The following GALC variants were observed in gnomAD, a reference collection of about 807,000 sequenced individuals.
GALC encodes the protein galactosylceramidase.
In GALC, 77 loss-of-function variants were observed where a neutral mutation model predicts 91.8. That is an observed-to-expected ratio of 0.84 (90% CI 0.70 to 1.01). GALC has a LOEUF of 1.01. Among genes scored for constraint, GALC ranks in the 50% least tolerant of loss-of-function variants. The probability of loss-of-function intolerance (pLI) is 0.00; values close to 1 mark genes in which losing one functional copy is unlikely to be tolerated. For synonymous variants in GALC, 357 were observed against 306.7 expected (o/e 1.16, Z -1.71); for missense variants, 882 against 855.9 (o/e 1.03, Z -0.38).
chr14:87,934,502 AG>A lies in GALC; in HGVS notation c.*229del. 1.4e-6 allele frequency: 2 copies of A among 1,409,802 alleles called. No individual in the cohort carries two copies. The highest frequency in any genetic ancestry group is 2.7e-4 in the Middle Eastern group (1 of 3,758). 87.3% of individuals were successfully genotyped at this position (1,409,802 alleles called of 1,614,324 possible). A position where few individuals can be genotyped will look rare whatever the true frequency, so the allele number is the denominator to read the frequency against. On this transcript the variant is annotated 3_prime_UTR_variant, in exon 17 of 17. Coordinates refer to ENST00000261304, the MANE Select transcript of GALC (RefSeq NM_000153.4). ...ATGGCCAATGCACAGTTTGAATGTT[AG>A]GGAACACACCAGGTAATGTTAAAGA...
chr14:87,988,741 C>T (rs1459102262), intron 1 of GALC, among the ~76,000 whole-genome samples: 1 of 152,170 alleles, frequency 6.6e-6, no homozygotes, highest in Non-Finnish European at 1.5e-5. Context: ...TTCTCTTCTT[C>T]TGGCATGAGG....
At position 87,992,269 on chromosome 14, in the gene GALC, T is replaced by G. The variant is rs760657734; in HGVS notation, c.195+701A>C. On this transcript the variant is annotated intron_variant, in intron 1 of 16. Coordinates refer to ENST00000261304, the MANE Select transcript of GALC (RefSeq NM_000153.4). ...AGAAACATTAGCCCTAGATGTAATT[T>G]CGGATACAAAACCAAAAAACAAAAA... is the stretch of plus-strand genomic sequence containing the variant. 5 of 1,534,592 alleles carry G rather than the reference T, an allele frequency of 3.3e-6. No homozygotes were observed. The South Asian group carries it at 5.9e-5, about 18-fold the overall frequency.
At chr14:87,965,474 T>G (rs573120240) in intron 9 of GALC, 31 bp downstream of exon 9, 1 of 1,611,178 alleles carries the variant, frequency 6.2e-7, no homozygotes, top group African/African-American at 1.3e-5. Flanking sequence ...AGAGAAGAAT[T>G]TAGGGAGTGA....
At chr14:87,938,621 G>A (rs1418473471) in intron 16 of GALC, among the ~76,000 whole-genome samples, 1 of 151,826 alleles carries the variant, frequency 6.6e-6, no homozygotes, top group Non-Finnish European at 1.5e-5. Context: ...ATTATATTCA[G>A]TACTTCCCCT....
At chr14:87,979,038 T>G (rs948727636) in intron 6 of GALC, among the ~76,000 whole-genome samples, 13 of 152,152 alleles carry the variant, frequency 8.5e-5, no homozygotes, top group African/African-American at 2.7e-4. Flanking sequence ...GCATTTCTTT[T>G]TTTTTCTTTT....
intron 6 of GALC, among the ~76,000 whole-genome samples, chr14:87,979,348 C>T (rs1293457967): frequency 1.3e-5 from 2 of 151,958 alleles, no homozygotes; most frequent in Admixed American, 6.6e-5. Context: ...TTTCAACAAA[C>T]GGAACACAGA....
chr14:87,978,991 G>C (rs1886628488), intron 6 of GALC, among the ~76,000 whole-genome samples: 1 of 151,946 alleles, frequency 6.6e-6, no homozygotes, highest in African/African-American at 2.4e-5. Context: ...TCCAATCTGA[G>C]CACCTACATT....
At chr14:87,940,331 G>T (rs955475220) in intron 15 of GALC, among the ~76,000 whole-genome samples, 7 of 151,846 alleles carry the variant, frequency 4.6e-5, no homozygotes, top group African/African-American at 1.7e-4. Context: ...AGACAAGAGA[G>T]ACAGAATATA....
intron 7 of GALC, 132 bp downstream of exon 7, chr14:87,976,226 C>T (rs1886485449): frequency 2.3e-6 from 2 of 884,944 alleles, no homozygotes; most frequent in Admixed American, 3.7e-5. Flanking sequence ...GCCATGCATG[C>T]TTCAGGTAAG....
At chr14:87,960,382 T>C (rs1314508160) in intron 10 of GALC, among the ~76,000 whole-genome samples, 1 of 152,174 alleles carries the variant, frequency 6.6e-6, no homozygotes, top group Non-Finnish European at 1.5e-5. Context: ...AGGTTTTGTG[T>C]ATTACAAAAC....
At chr14:87,953,779 C>A in intron 10 of GALC, 2 of 1,604,516 alleles carry the variant, frequency 1.2e-6, no homozygotes, top group South Asian at 1.1e-5. Flanking sequence ...TAAAAAAAGT[C>A]ATTAATAAAA....
rs562688150 is a variant in GALC at position 87,954,793 on chromosome 14, G to A, written c.1162-4045C>T. 2.5e-5 allele frequency: 40 copies of A among 1,601,510 alleles called. 1 individual carries two copies. The South Asian group carries it at 2.6e-4, about 11-fold the overall frequency. On this transcript the variant is annotated intron_variant, in intron 10 of 16. Transcript: ENST00000261304. ...TCCCAACATCATATATACTGGCTGCGCAAAATATGGATTGGAACTAGAAAC... is the reference window on the plus strand; with the variant it reads ...TCCCAACATCATATATACTGGCTGCACAAAATATGGATTGGAACTAGAAAC...
At chr14:87,970,563 GATTT>G (rs1280826275) in intron 7 of GALC, among the ~76,000 whole-genome samples, 1 of 152,002 alleles carries the variant, frequency 6.6e-6, no homozygotes, top group African/African-American at 2.4e-5. Context: ...TTAATGTATA[GATTT>G]ATTACTAGTG....
chr14:87,993,641 G>A (rs1199761816), upstream of GALC: 6 of 629,880 alleles, frequency 9.5e-6, no homozygotes, highest in Non-Finnish European at 1.7e-5. Flanking sequence ...CAGAGTGAGG[G>A]ACTGAGAGAA....
At chr14:87,935,523 G>A (rs1884534043) in intron 16 of GALC, among the ~76,000 whole-genome samples, 1 of 152,050 alleles carries the variant, frequency 6.6e-6, no homozygotes, top group Admixed American at 6.6e-5. Context: ...TATAAGGTGT[G>A]ACTTACTGGT....
At chr14:87,965,720 T>C (rs1886019970) in intron 8 of GALC, 91 bp from the exon 9 acceptor site, 8 of 1,207,992 alleles carry the variant, frequency 6.6e-6, no homozygotes, top group South Asian at 6.3e-5. Flanking sequence ...TTTATCATAG[T>C]AATACACATC....
At chr14:87,956,288 CAG>C (rs914997061) in intron 10 of GALC, among the ~76,000 whole-genome samples, 40 of 151,938 alleles carry the variant, frequency 2.6e-4, no homozygotes, top group African/African-American at 9.2e-4. Flanking sequence ...AAGGAGGGAA[CAG>C]AGTTAACTAA....
At chr14:87,964,623 T>C (rs1458376461) in intron 9 of GALC, among the ~76,000 whole-genome samples, 1 of 152,164 alleles carries the variant, frequency 6.6e-6, no homozygotes, top group African/African-American at 2.4e-5. Flanking sequence ...GACTAATGAA[T>C]GATACTGTAG....
intron 14 of GALC, among the ~76,000 whole-genome samples, chr14:87,943,142 T>C (rs952051108): frequency 2.6e-5 from 4 of 152,024 alleles, no homozygotes; most frequent in African/African-American, 9.7e-5. Flanking sequence ...GGAATAAAAG[T>C]GTGGTTTATT....
Sources: gnomAD v4.1 joint callset for allele counts (sites outside exome capture counted in the v4.1 genomes callset) on GRCh38, gnomAD v4.1.1 for gene constraint, MANE v1.5 for transcripts, NCBI Gene and HGNC (gene_info 2026-07-23, HGNC 2026-07-21) for gene names.